BASP1: variants seen among roughly 807,000 people sequenced by gnomAD.
BASP1 encodes the protein brain acid soluble protein 1.
In BASP1, 1 loss-of-function variant was observed where a neutral mutation model predicts 2.2. The ratio of observed to expected loss-of-function variants is 0.46; its 90% CI spans 0.16 to 2.17. BASP1 has a LOEUF of 2.17. Ranked by LOEUF, BASP1 falls within the 30% of genes most tolerant of loss-of-function variation. The pLI is 0.27. For synonymous variants in BASP1, 187 were observed against 154.2 expected, an observed-to-expected ratio of 1.21 and a Z score of -1.58; for missense variants, 352 against 327.2, an observed-to-expected ratio of 1.08 and a Z score of -0.58.
intron 1 of BASP1, among the ~76,000 whole-genome samples, chr5:17,263,093 C>T (rs61577704): frequency 0.046 from 6,989 of 152,176 alleles, 510 homozygotes; most frequent in African/African-American, 0.16. Context: ...ATGATCCGCC[C>T]GCCTTGGCCT....
rs1561179694 is a variant in BASP1 at position 17,275,418 on chromosome 5, GAGA to G, written c.205_207del (p.Lys69del). The stretch of plus-strand genomic sequence containing the variant: ...CCAGGACGCCGAGGGCAAGGCCGAG[GAGA>G]AGGAGGGCGAGAAGGACGCGGCGGC... On this transcript the variant is annotated inframe_deletion, in exon 2 of 2. Coordinates refer to ENST00000322611, the MANE Select transcript of BASP1 (RefSeq NM_006317.5). The surrounding 1 kb of genome is among the most constrained non-coding windows in gnomAD (Gnocchi z 5.3). 6.4e-7 allele frequency: 1 copy of G among 1,552,496 alleles called. No individual in the cohort carries two copies. Among genetic ancestry groups the G allele is most frequent in the East Asian group, 2.4e-5 (1 of 41,896 alleles).
chr5:17,255,170 T>C (rs1405496442), intron 1 of BASP1, among the ~76,000 whole-genome samples: 1 of 152,204 alleles, frequency 6.6e-6, no homozygotes, highest in Non-Finnish European at 1.5e-5. Context: ...ATTGTATTAG[T>C]GTTTGAGATA....
rs142151536 is a variant in BASP1 at position 17,219,024 on chromosome 5, C to T, written c.-10+1214C>T. Reference sequence around the variant, plus strand: ...GACAACACCTCTGTCTCCCCCGCGGCCACTCGCACTGTGGGGCGGGCTAAA... The same window carrying T: ...GACAACACCTCTGTCTCCCCCGCGGTCACTCGCACTGTGGGGCGGGCTAAA... On this transcript the variant is annotated intron_variant, in intron 1 of 1. Transcript: ENST00000322611. 7.1e-3 allele frequency among the ~76,000 whole-genome samples: 1,077 copies of T among 152,210 alleles called. 19 individuals carry two copies. The highest frequency in any genetic ancestry group is 0.024 in the African/African-American group (1,005 of 41,514).
intron 1 of BASP1, among the ~76,000 whole-genome samples, chr5:17,266,826 A>AAG (rs1291881156): frequency 5.3e-5 from 4 of 75,210 alleles, no homozygotes; most frequent in African/African-American, 1.5e-4. Context: ...AAAAAAAAAA[A>AAG]AAAAAAAAAA....
intron 1 of BASP1, among the ~76,000 whole-genome samples, chr5:17,218,062 G>A (rs911101065): frequency 2.0e-5 from 3 of 151,894 alleles, no homozygotes; most frequent in South Asian, 4.1e-4. Flanking sequence ...GGTGAGGGGG[G>A]CGGCGAGGTT....
chr5:17,217,095 A>AGAGAGAGAGAGAGAGT (rs1554025522), upstream of BASP1: 53 of 131,216 alleles, frequency 4.0e-4, no homozygotes, highest in Non-Finnish European at 6.8e-4. Flanking sequence ...AGAGAGAGAG[A>AGAGAGAGAGAGAGAGT]GTGAGTGAGA....
In BASP1 at chr5:17,217,787, G is replaced by A. The variant is rs915550072; in HGVS notation, c.-33G>A. ...TCTCGGCGGCACCGCGCTAACTCAG[G>A]GGCTGCATAGGCACCCAGAGCCGGT... is the stretch of plus-strand genomic sequence containing the variant. On this transcript the variant is annotated 5_prime_UTR_variant, in exon 1 of 2. Coordinates refer to ENST00000322611, the MANE Select transcript of BASP1 (RefSeq NM_006317.5). 2 of 152,362 alleles carry A rather than the reference G, an allele frequency of 1.3e-5. No homozygotes were observed. Among genetic ancestry groups the A allele is most frequent in the African/African-American group, 4.8e-5 (2 of 41,430 alleles). 9.4% of individuals were successfully genotyped at this position (152,362 alleles called of 1,614,324 possible). A position where few individuals can be genotyped will look rare whatever the true frequency, so the allele number is the denominator to read the frequency against.
chr5:17,234,447 T>A (rs553643667), intron 1 of BASP1, among the ~76,000 whole-genome samples: 1 of 152,330 alleles, frequency 6.6e-6, no homozygotes, highest in East Asian at 1.9e-4. Flanking sequence ...GTTCTTTAAA[T>A]GAAACATCAG....
In BASP1 at chr5:17,251,966, C is replaced by A. The variant is rs1004465731; in HGVS notation, c.-9-23242C>A. On this transcript the variant is annotated intron_variant, in intron 1 of 1. Transcript: ENST00000322611. This position sits in a 1 kb window ranked among gnomAD's most constrained non-coding sequence, Gnocchi z 4.0. ...AGTGTAGACAAAGAATCCTCAGTAT[C>A]CCAGAGGGCTTTCAAAACCCTTCAA... Among the ~76,000 whole-genome samples, 1 of 152,086 alleles carries A rather than the reference C, an allele frequency of 6.6e-6. No individual in the cohort carries two copies. Among genetic ancestry groups the A allele is most frequent in the Non-Finnish European group, 1.5e-5 (1 of 68,026 alleles).
chr5:17,235,548 C>T (rs1439859776), intron 1 of BASP1, among the ~76,000 whole-genome samples: 2 of 152,150 alleles, frequency 1.3e-5, no homozygotes, highest in African/African-American at 2.4e-5. Context: ...AGGCGTGAGC[C>T]ACCACGCCTG....
chr5:17,270,963 C>A (rs1021146180), intron 1 of BASP1, among the ~76,000 whole-genome samples: 1 of 152,172 alleles, frequency 6.6e-6, no homozygotes, highest in African/African-American at 2.4e-5. Flanking sequence ...TGTGCAAAGT[C>A]TCCTTGAAAT....
chr5:17,246,345 G>T (rs1739989937), intron 1 of BASP1, among the ~76,000 whole-genome samples: 1 of 152,002 alleles, frequency 6.6e-6, no homozygotes, highest in African/African-American at 2.4e-5. Flanking sequence ...AAAATTACCT[G>T]GGAGTGGTGG....
rs143093128 is a variant in BASP1, at chr5:17,221,715, C to T, written c.-10+3905C>T. 7.2e-3 allele frequency among the ~76,000 whole-genome samples: 1,099 copies of T among 152,128 alleles called. 11 individuals carry two copies. Among genetic ancestry groups the T allele is most frequent in the Non-Finnish European group, 0.011 (782 of 68,000 alleles). On this transcript the variant is annotated intron_variant, in intron 1 of 1. Coordinates refer to ENST00000322611, the MANE Select transcript of BASP1 (RefSeq NM_006317.5). ...TGTATCTCTTAAGACATTAGATAAG[C>T]CAGTGAACATGAGCTTTTTTCTTTG...
At chr5:17,239,186 C>T (rs7725577) in intron 1 of BASP1, among the ~76,000 whole-genome samples, 4,760 of 152,058 alleles carry the variant, frequency 0.031, 109 homozygotes, top group South Asian at 0.085. Flanking sequence ...CTCTGCCTCC[C>T]GGGTTCAAGT....
intron 1 of BASP1, among the ~76,000 whole-genome samples, chr5:17,249,743 T>C (rs1291982879): frequency 6.6e-6 from 1 of 152,214 alleles, no homozygotes; most frequent in African/African-American, 2.4e-5. Context: ...GTAGTAACGT[T>C]TATCTATCTT....
chr5:17,268,071 T>G (rs905816949), intron 1 of BASP1, among the ~76,000 whole-genome samples: 8 of 152,064 alleles, frequency 5.3e-5, no homozygotes, highest in African/African-American at 1.9e-4. Flanking sequence ...TTCATAAAAT[T>G]ATTTTTCCCC....
chr5:17,273,485 T>C (rs1740570025), intron 1 of BASP1, among the ~76,000 whole-genome samples: 1 of 152,172 alleles, frequency 6.6e-6, no homozygotes, highest in Non-Finnish European at 1.5e-5. Context: ...CAAATTTCAG[T>C]TTATTGCTTT....
At chr5:17,237,590 G>A (rs947155205) in intron 1 of BASP1, among the ~76,000 whole-genome samples, 8 of 150,282 alleles carry the variant, frequency 5.3e-5, no homozygotes, top group Non-Finnish European at 1.2e-4. Flanking sequence ...CTATAATCTG[G>A]TTCTTGCTAG....
chr5:17,242,378 G>A lies in BASP1; in HGVS notation c.-10+24568G>A, dbSNP rs76506328. 2.5e-3 allele frequency among the ~76,000 whole-genome samples: 384 copies of A among 152,140 alleles called. 7 individuals carry two copies. In the East Asian group the frequency reaches 0.053, roughly 21 times the overall value. On this transcript the variant is annotated intron_variant, in intron 1 of 1. Transcript: ENST00000322611. ...TCACACGAAATTGAGTGGAAGGTAC[G>A]GAGGTTTCCCATATAAGTCTTGCGC...
Sources: gnomAD v4.1 joint callset for allele counts (sites outside exome capture counted in the v4.1 genomes callset) on GRCh38, gnomAD v4.1.1 for gene constraint, Gnocchi (gnomAD v3.1) non-coding constraint, MANE v1.5 for transcripts, NCBI Gene and HGNC (gene_info 2026-07-23, HGNC 2026-07-21) for gene names.